The following RFX1 variants were observed in gnomAD, a reference collection of about 807,000 sequenced individuals.
RFX1 encodes MHC class II regulatory factor RFX1.
RFX1 carries 42 observed loss-of-function variants against 119.6 expected under a neutral mutation model. The ratio of observed to expected loss-of-function variants is 0.35; its 90% CI spans 0.27 to 0.45. The LOEUF is 0.45. RFX1 is among the 20% of genes least tolerant of loss of function. RFX1 has a pLI of 1.00. For missense variants in RFX1, 1,118 were observed against 1,368.1 expected (o/e 0.82, Z 2.88); for synonymous variants, 628 against 618.5 (o/e 1.02, Z -0.23).
At chr19:13,999,555 A>G (rs1423753836) in intron 1 of RFX1, among the ~76,000 whole-genome samples, 1 of 152,252 alleles carries the variant, frequency 6.6e-6, no homozygotes, top group African/African-American at 2.4e-5. Context: ...ATTTTCACAT[A>G]TCATGAAATA....
chr19:14,004,167 TG>T (rs1342294358), intron 1 of RFX1, among the ~76,000 whole-genome samples: 2 of 151,988 alleles, frequency 1.3e-5, no homozygotes, highest in African/African-American at 4.8e-5. Context: ...CCCAAAGTGC[TG>T]GGATTACAGG....
Position 13,980,604 on chromosome 19 carries a change from C to T in RFX1, c.707G>A (p.Gly236Asp). 2 of 1,578,140 alleles carry T rather than the reference C, an allele frequency of 1.3e-6. No individual in the cohort carries two copies. Among genetic ancestry groups the T allele is most frequent in the Non-Finnish European group, 1.7e-6 (2 of 1,169,182 alleles). Reference protein sequence around the residue: ...GTVPQQLQVHGVQQSVPVTQE... With the variant: ...GTVPQQLQVHDVQQSVPVTQE... ...GGTGACGGGGACACTCTGCTGGACG[C>T]CGTGGACCTGCAGCTGCTGTGGCAC... Residue 236 changes from glycine to aspartate, a missense_variant, in exon 6 of 21, where the codon GGC becomes GAC. Physicochemically the swap from Gly to Asp is moderately conservative, Grantham distance 94. Around this residue, in one of 5 missense-constraint regions of RFX1, gnomAD observed 542 missense variants for 602.7 expected, o/e 0.90. Transcript: ENST00000254325. This position sits in a 1 kb window ranked among gnomAD's most constrained non-coding sequence, Gnocchi z 5.1.
At position 13,965,922 on chromosome 19, in the gene RFX1, A is replaced by G. The variant is rs1599474181; in HGVS notation, c.1962-145T>C. On this transcript the variant is annotated intron_variant, in intron 14 of 20. Transcript: ENST00000254325. This position sits in a 1 kb window ranked among gnomAD's most constrained non-coding sequence, Gnocchi z 4.7. ...ACCCCCAGCATCAGAAGGCACAGGT[A>G]CCCCCTTACCCCCACTCCAGGGTCA... 4 of 904,844 alleles carry G rather than the reference A, an allele frequency of 4.4e-6. No homozygotes were observed. The East Asian group carries it at 1.0e-4, about 24-fold the overall frequency. 56.1% of individuals were successfully genotyped at this position (904,844 alleles called of 1,614,324 possible).
At position 13,985,584 on chromosome 19, in the gene RFX1, G is replaced by A. The variant is rs562722074; in HGVS notation, c.320-1989C>T. On this transcript the variant is annotated intron_variant, in intron 2 of 20. Coordinates refer to ENST00000254325, the MANE Select transcript of RFX1 (RefSeq NM_002918.5). The surrounding 1 kb of genome is among the most constrained non-coding windows in gnomAD (Gnocchi z 4.3). ...CACCATCCACCGTGCAGGCCATGAC[G>A]CAGGTTCCCCTCTGGGCCCACACGA... Among the ~76,000 whole-genome samples, 23 of 152,342 alleles carry A rather than the reference G, an allele frequency of 1.5e-4. No homozygotes were observed. The South Asian group carries it at 3.9e-3, about 26-fold the overall frequency.
At chr19:13,998,586 G>T (rs1258727727) in intron 1 of RFX1, among the ~76,000 whole-genome samples, 1 of 152,174 alleles carries the variant, frequency 6.6e-6, no homozygotes, top group Admixed American at 6.5e-5. Flanking sequence ...ATCCAAGCCA[G>T]GTTGGGACAG....
At chr19:14,001,807 C>T (rs1318626140) in intron 1 of RFX1, among the ~76,000 whole-genome samples, 1 of 152,144 alleles carries the variant, frequency 6.6e-6, no homozygotes, top group African/African-American at 2.4e-5. Flanking sequence ...TCAAGTCTAG[C>T]CTGGCCAACA....
intron 1 of RFX1, among the ~76,000 whole-genome samples, chr19:13,999,842 G>T (rs1428457044): frequency 6.6e-6 from 1 of 152,048 alleles, no homozygotes; most frequent in African/African-American, 2.4e-5. Context: ...TGCCTGGCTA[G>T]CTTTTGTATT....
intron 9 of RFX1, among the ~76,000 whole-genome samples, chr19:13,971,223 A>C (rs1373596857): frequency 6.6e-6 from 1 of 151,658 alleles, no homozygotes; most frequent in East Asian, 1.9e-4. Context: ...CATCCCAGCT[A>C]CTCGAGAGGC....
chr19:13,965,396 G>T lies in RFX1; in HGVS notation c.2211+53C>A. 1 of 1,505,638 alleles carries T rather than the reference G, an allele frequency of 6.6e-7. No individual in the cohort carries two copies. The highest frequency in any genetic ancestry group is 9.2e-7 in the Non-Finnish European group (1 of 1,086,224). The allele number at this position is 1,505,638 out of a possible 1,614,324, so 93.3% of individuals were successfully genotyped here. ...TTTACCGCCCCTGGGGAGCAGAGGA[G>T]ACGGAGGCCTAAGCCCCAGAGATAG... On this transcript the variant is annotated intron_variant, in intron 16 of 20. Coordinates refer to ENST00000254325, the MANE Select transcript of RFX1 (RefSeq NM_002918.5). This position sits in a 1 kb window ranked among gnomAD's most constrained non-coding sequence, Gnocchi z 4.7.
At chr19:13,995,851 CA>C (rs57542235) in intron 1 of RFX1, among the ~76,000 whole-genome samples, 360 of 35,614 alleles carry the variant, frequency 0.01, no homozygotes, top group East Asian at 0.016. Context: ...ACTCTGTCTC[CA>C]AAAAAAAAAA....
intron 1 of RFX1, among the ~76,000 whole-genome samples, chr19:14,002,327 A>AG (rs1347144016): frequency 6.7e-6 from 1 of 149,464 alleles, no homozygotes; most frequent in Non-Finnish European, 1.5e-5. Context: ...AAAAAAAAAA[A>AG]AAAAAAAATT....
At chr19:14,001,150 T>C (rs914240388) in intron 1 of RFX1, among the ~76,000 whole-genome samples, 18 of 152,318 alleles carry the variant, frequency 1.2e-4, no homozygotes, top group African/African-American at 4.1e-4. Context: ...CCACCTGGCA[T>C]GCTGTCCCCA....
intron 9 of RFX1, among the ~76,000 whole-genome samples, chr19:13,971,767 T>C (rs1183601843): frequency 6.6e-6 from 1 of 152,040 alleles, no homozygotes; most frequent in Non-Finnish European, 1.5e-5. Flanking sequence ...CCCAGCACTT[T>C]GGGAGGCCGA....
Position 13,969,760 on chromosome 19 carries a change from T to G in RFX1, c.1496+234A>C. On this transcript the variant is annotated intron_variant, in intron 10 of 20. Coordinates refer to ENST00000254325, the MANE Select transcript of RFX1 (RefSeq NM_002918.5). The surrounding 1 kb of genome is among the most constrained non-coding windows in gnomAD (Gnocchi z 4.5). ...GCAGGGGAGAGGGGGAGGCTGCAGT[T>G]TTAGTTGAGGCAGTCAGGGGACGTG... 2.2e-6 allele frequency: 1 copy of G among 448,504 alleles called. No homozygotes were observed. Among genetic ancestry groups the G allele is most frequent in the Non-Finnish European group, 3.9e-6 (1 of 254,346 alleles). 27.8% of individuals were successfully genotyped at this position (448,504 alleles called of 1,614,324 possible).
Position 13,966,571 on chromosome 19 carries a change from A to G in RFX1, c.1852-41T>C. On this transcript the variant is annotated intron_variant, in intron 13 of 20. Coordinates refer to ENST00000254325, the MANE Select transcript of RFX1 (RefSeq NM_002918.5). This position sits in a 1 kb window ranked among gnomAD's most constrained non-coding sequence, Gnocchi z 6.3. ...ATGCTCAGGGAGGCTGGGGGGCAGC[A>G]TGGCCCTCCCATGCCCGTGGCTGCG... The G allele has an allele frequency of 6.5e-7, 1 of 1,529,784 alleles. No homozygotes were observed. The highest frequency in any genetic ancestry group is 8.9e-7 in the Non-Finnish European group (1 of 1,123,906). The allele number at this position is 1,529,784 out of a possible 1,614,324, so 94.8% of individuals were successfully genotyped here. A position where few individuals can be genotyped will look rare whatever the true frequency, so the allele number is the denominator to read the frequency against.
chr19:13,988,160 G>GGC (rs1974671547), intron 2 of RFX1, among the ~76,000 whole-genome samples: 1 of 151,802 alleles, frequency 6.6e-6, no homozygotes, highest in Non-Finnish European at 1.5e-5. Flanking sequence ...CCCAGTAGCT[G>GGC]GTGCTACAGG....
In RFX1 at chr19:13,983,223, C is replaced by T. The variant is rs763514451; in HGVS notation, c.477G>A (p.Ser159=). 30 of 1,579,552 alleles carry T rather than the reference C, an allele frequency of 1.9e-5. No individual in the cohort carries two copies. The highest frequency in any genetic ancestry group is 7.2e-5 in the Admixed American group (4 of 55,928). Residue 159 remains serine (S), a synonymous_variant, in exon 4 of 21, where the codon TCG becomes TCA. Coordinates refer to ENST00000254325, the MANE Select transcript of RFX1 (RefSeq NM_002918.5). ...TSVQAKPGHV[S]PLQLTNIQVP... is the part of the protein sequence containing the mutation. Reference sequence around the variant, plus strand: ...CTTGGATGTTGGTCAGCTGGAGGGGCGACACGTGGCCTGGCTTGGCCTGCA... The same window carrying T: ...CTTGGATGTTGGTCAGCTGGAGGGGTGACACGTGGCCTGGCTTGGCCTGCA...
At chr19:14,005,659 A>T (rs1975346756) in intron 1 of RFX1, among the ~76,000 whole-genome samples, 1 of 152,118 alleles carries the variant, frequency 6.6e-6, no homozygotes, top group African/African-American at 2.4e-5. Flanking sequence ...AAGGATCTGG[A>T]AGGCGGACCG....
intron 4 of RFX1, chr19:13,982,957 C>T (rs890601234): frequency 1.8e-6 from 1 of 545,182 alleles, no homozygotes. Context: ...CCCAACTATA[C>T]ATCTTGTTCT....
Sources: allele counts gnomAD v4.1 joint callset (sites outside exome capture counted in the v4.1 genomes callset), GRCh38; gene constraint gnomAD v4.1.1; regional missense constraint gnomAD v4.1.1; non-coding constraint Gnocchi (gnomAD v3.1); transcripts MANE v1.5; gene names NCBI Gene and HGNC (gene_info 2026-07-23, HGNC 2026-07-21).